The following UNC5D variants were observed in gnomAD, a reference collection of about 807,000 sequenced individuals.
The protein encoded by UNC5D is netrin receptor UNC5D.
A neutral mutation model predicts 105.4 loss-of-function variants in UNC5D; 39 were observed. That is an observed-to-expected ratio of 0.37 (90% CI 0.29 to 0.48). UNC5D has a LOEUF of 0.48. Among genes scored for constraint, UNC5D ranks in the 20% least tolerant of loss-of-function variants. UNC5D has a pLI of 0.98. For synonymous variants in UNC5D, 452 were observed against 450.4 expected (o/e 1.00, Z -0.04); for missense variants, 991 against 1,202.4 (o/e 0.82, Z 2.60).
chr8:35,741,345 A>G (rs1455394343), intron 11 of UNC5D, among the ~76,000 whole-genome samples: 2 of 150,348 alleles, frequency 1.3e-5, no homozygotes, highest in South Asian at 2.1e-4. Context: ...CCCGTATGCC[A>G]TCTCTTTCTG....
intron 1 of UNC5D, among the ~76,000 whole-genome samples, chr8:35,462,680 C>T (rs1563442275): frequency 1.3e-5 from 2 of 152,026 alleles, no homozygotes; most frequent in African/African-American, 2.4e-5. Context: ...ACATTTTCAC[C>T]TGATAGGAGA....
At chr8:35,622,797 A>G (rs769854972) in intron 4 of UNC5D, among the ~76,000 whole-genome samples, 2 of 152,086 alleles carry the variant, frequency 1.3e-5, no homozygotes, top group African/African-American at 4.8e-5. Context: ...TGAAATTTTC[A>G]CTTATTCTTC....
intron 1 of UNC5D, among the ~76,000 whole-genome samples, chr8:35,334,360 G>T (rs544366785): frequency 2.2e-4 from 34 of 152,294 alleles, no homozygotes; most frequent in African/African-American, 8.2e-4. Context: ...ATCTTGGAGA[G>T]TAAAATAAGT....
chr8:35,557,757 C>T (rs1355992879), intron 2 of UNC5D, among the ~76,000 whole-genome samples: 1 of 151,950 alleles, frequency 6.6e-6, no homozygotes, highest in Non-Finnish European at 1.5e-5. Context: ...CACCCAGCCT[C>T]TTGTGTGATC....
At chr8:35,293,957 T>C (rs536971351) in intron 1 of UNC5D, among the ~76,000 whole-genome samples, 2 of 152,140 alleles carry the variant, frequency 1.3e-5, no homozygotes, top group Admixed American at 1.3e-4. Flanking sequence ...TACATGGGGT[T>C]CTGGGTGTTC....
intron 1 of UNC5D, among the ~76,000 whole-genome samples, chr8:35,337,316 T>G (rs922804176): frequency 2.0e-5 from 3 of 152,332 alleles, no homozygotes; most frequent in African/African-American, 7.2e-5. Flanking sequence ...AATTAAAAAT[T>G]GGTTATTTTC....
intron 1 of UNC5D, among the ~76,000 whole-genome samples, chr8:35,297,171 T>C (rs1807555653): frequency 6.6e-6 from 1 of 152,130 alleles, no homozygotes; most frequent in African/African-American, 2.4e-5. Context: ...TTTGGGCACT[T>C]TTTTCCTGAC....
intron 1 of UNC5D, among the ~76,000 whole-genome samples, chr8:35,252,361 C>T (rs1477095721): frequency 1.3e-5 from 2 of 152,130 alleles, no homozygotes; most frequent in African/African-American, 4.8e-5. Context: ...CATATTTCTC[C>T]TTTAACCCAT....
At chr8:35,707,629 T>A (rs751739892) in intron 8 of UNC5D, among the ~76,000 whole-genome samples, 1 of 152,186 alleles carries the variant, frequency 6.6e-6, no homozygotes, top group African/African-American at 2.4e-5. Flanking sequence ...TTCTGTCATA[T>A]AGCACAAAAA....
At chr8:35,723,840 G>T (rs535057742) in intron 9 of UNC5D, among the ~76,000 whole-genome samples, 96 of 152,142 alleles carry the variant, frequency 6.3e-4, no homozygotes, top group African/African-American at 2.2e-3. Context: ...GCATAAGTCC[G>T]TAGGCTTTGA....
At chr8:35,581,799 TTG>T (rs1818483280) in intron 3 of UNC5D, among the ~76,000 whole-genome samples, 1 of 152,080 alleles carries the variant, frequency 6.6e-6, no homozygotes, top group African/African-American at 2.4e-5. Flanking sequence ...TGCTGTAAAT[TTG>T]TGTTTATTTC....
chr8:35,675,043 A>G (rs1043196875), intron 4 of UNC5D, among the ~76,000 whole-genome samples: 2 of 152,186 alleles, frequency 1.3e-5, no homozygotes, highest in African/African-American at 4.8e-5. Context: ...TTTTTACTAT[A>G]GTGTGAAAAA....
At chr8:35,479,437 T>A (rs1007164810) in intron 1 of UNC5D, among the ~76,000 whole-genome samples, 2 of 152,198 alleles carry the variant, frequency 1.3e-5, no homozygotes, top group African/African-American at 4.8e-5. Flanking sequence ...AATCCCACTA[T>A]TGTGTATATA....
At chr8:35,400,906 C>T (rs1482749571) in intron 1 of UNC5D, among the ~76,000 whole-genome samples, 4 of 152,078 alleles carry the variant, frequency 2.6e-5, no homozygotes, top group Non-Finnish European at 5.9e-5. Flanking sequence ...GTGGAGGGGG[C>T]ATGTATATAA....
chr8:35,485,607 C>T (rs1489981863), intron 1 of UNC5D, among the ~76,000 whole-genome samples: 3 of 152,046 alleles, frequency 2.0e-5, no homozygotes, highest in East Asian at 1.9e-4. Flanking sequence ...TGGCACAACT[C>T]GGCAAAATAC....
chr8:35,403,178 G>A (rs1273724172), intron 1 of UNC5D, among the ~76,000 whole-genome samples: 1 of 152,200 alleles, frequency 6.6e-6, no homozygotes. Context: ...TATTTGTAAT[G>A]TTCTTACCTT....
chr8:35,489,618 A>C (rs1413566396), intron 1 of UNC5D, among the ~76,000 whole-genome samples: 1 of 152,148 alleles, frequency 6.6e-6, no homozygotes, highest in East Asian at 1.9e-4. Flanking sequence ...AGCCTCCAGA[A>C]CTGTGAGAAA....
chr8:35,237,179 GTTTTTTTTT>G (rs3073013), intron 1 of UNC5D, among the ~76,000 whole-genome samples: 2 of 61,810 alleles, frequency 3.2e-5, no homozygotes, highest in Non-Finnish European at 5.8e-5. Context: ...TTCCTGAAAA[GTTTTTTTTT>G]TTTTTTTTTT....
At chr8:35,644,296 A>G (rs1822921756) in intron 4 of UNC5D, among the ~76,000 whole-genome samples, 1 of 152,084 alleles carries the variant, frequency 6.6e-6, no homozygotes, top group South Asian at 2.1e-4. Context: ...CCATAGGACA[A>G]TTGTATACCT....
Sources: allele counts gnomAD v4.1 joint callset (sites outside exome capture counted in the v4.1 genomes callset), GRCh38; gene constraint gnomAD v4.1.1; transcripts MANE v1.5; gene names NCBI Gene and HGNC (gene_info 2026-07-23, HGNC 2026-07-21).